ENTREP2: variants seen among roughly 807,000 people sequenced by gnomAD.
The protein encoded by ENTREP2 is endosomal transmembrane epsin interactor 2, also known as protein ENTREP2.
the ENTREP2 span, among the ~76,000 whole-genome samples, chr15:29,642,833 C>T: frequency 6.6e-6 from 1 of 152,040 alleles, no homozygotes; most frequent in East Asian, 1.9e-4. Context: ...AGGATGATCT[C>T]GATCTCTTGA....
the ENTREP2 span, among the ~76,000 whole-genome samples, chr15:29,477,996 TA>T: frequency 1.3e-5 from 1 of 77,806 alleles, no homozygotes; most frequent in Non-Finnish European, 2.3e-5. Context: ...AATTTAACTA[TA>T]TATATATATA....
the ENTREP2 span, among the ~76,000 whole-genome samples, chr15:29,649,717 TCAA>T: frequency 1.0e-5 from 1 of 96,530 alleles, no homozygotes; most frequent in Non-Finnish European, 1.9e-5. Flanking sequence ...AGACTCCATC[TCAA>T]CAACAACAAA....
At chr15:29,480,359 A>C in the ENTREP2 span, among the ~76,000 whole-genome samples, 8 of 147,458 alleles carry the variant, frequency 5.4e-5, no homozygotes, top group African/African-American at 1.8e-4. Context: ...AAAAAAAAAA[A>C]AAAAAAACCC....
chr15:29,175,946 C>G, the ENTREP2 span, among the ~76,000 whole-genome samples: 1 of 152,188 alleles, frequency 6.6e-6, no homozygotes, highest in South Asian at 2.1e-4. Flanking sequence ...TCTTGATCGT[C>G]CTCTCTCATG....
the ENTREP2 span, among the ~76,000 whole-genome samples, chr15:29,603,869 C>A: frequency 6.6e-6 from 1 of 152,094 alleles, no homozygotes; most frequent in South Asian, 2.1e-4. Context: ...GAACTCGTGA[C>A]CTCAGGTGAT....
At chr15:29,157,180 A>G in the ENTREP2 span, among the ~76,000 whole-genome samples, 121 of 152,252 alleles carry the variant, frequency 7.9e-4, 1 homozygote, top group Non-Finnish European at 1.5e-3. Flanking sequence ...ACCCACTGAG[A>G]TGTTGGCAAA....
At chr15:29,213,879 G>A in the ENTREP2 span, among the ~76,000 whole-genome samples, 1 of 152,096 alleles carries the variant, frequency 6.6e-6, no homozygotes, top group Non-Finnish European at 1.5e-5. Context: ...AGTGGGTGAG[G>A]ATATGAACAG....
At chr15:29,240,641 G>C in the ENTREP2 span, among the ~76,000 whole-genome samples, 10 of 152,116 alleles carry the variant, frequency 6.6e-5, no homozygotes, top group Admixed American at 6.6e-4. Flanking sequence ...CTCCCAAAAT[G>C]TGAGAAATAA....
At chr15:29,124,256 G>C in the ENTREP2 span, among the ~76,000 whole-genome samples, 3 of 152,194 alleles carry the variant, frequency 2.0e-5, no homozygotes, top group Non-Finnish European at 4.4e-5. Flanking sequence ...GGCCAGCTCC[G>C]GGCTGTCAGT....
the ENTREP2 span, among the ~76,000 whole-genome samples, chr15:29,324,663 T>C: frequency 1.1e-4 from 16 of 152,254 alleles, no homozygotes; most frequent in South Asian, 4.1e-4. Flanking sequence ...CAGAGGTCAA[T>C]ACGAGCATCC....
chr15:29,419,663 A>T, the ENTREP2 span, among the ~76,000 whole-genome samples: 1 of 152,230 alleles, frequency 6.6e-6, no homozygotes, highest in Non-Finnish European at 1.5e-5. Context: ...AGAAACCTAA[A>T]TAAAAGGAAA....
chr15:29,424,673 G>A, the ENTREP2 span, among the ~76,000 whole-genome samples: 5 of 152,250 alleles, frequency 3.3e-5, no homozygotes, highest in African/African-American at 9.6e-5. Context: ...TATTTATTCC[G>A]TTGGTAACCA....
the ENTREP2 span, among the ~76,000 whole-genome samples, chr15:29,332,434 GA>G: frequency 1.7e-4 from 25 of 150,278 alleles, no homozygotes; most frequent in East Asian, 3.9e-4. Context: ...TTTTCAAAGA[GA>G]AAAAAAAAGG....
At chr15:29,136,347 C>G in the ENTREP2 span, 1 of 1,479,786 alleles carries the variant, frequency 6.8e-7, no homozygotes, top group Non-Finnish European at 8.9e-7. Flanking sequence ...CTGGCTTTGT[C>G]TGGGGCCCCA....
chr15:29,666,424 C>G, the ENTREP2 span, among the ~76,000 whole-genome samples: 1 of 151,870 alleles, frequency 6.6e-6, no homozygotes, highest in Non-Finnish European at 1.5e-5. Context: ...CTCACCCCCA[C>G]CCTCGCCCAG....
At chr15:29,438,236 T>C in the ENTREP2 span, among the ~76,000 whole-genome samples, 9 of 152,166 alleles carry the variant, frequency 5.9e-5, no homozygotes, top group African/African-American at 2.2e-4. Context: ...CCTTGCACTG[T>C]CCCCAACACA....
chr15:29,144,615 A>G, the ENTREP2 span, among the ~76,000 whole-genome samples: 2 of 152,150 alleles, frequency 1.3e-5, no homozygotes, highest in South Asian at 2.1e-4. Context: ...CTGTAGTCTC[A>G]GCTACTTGGG....
the ENTREP2 span, chr15:29,381,673 G>A: frequency 1.1e-6 from 1 of 951,458 alleles, no homozygotes. Flanking sequence ...CCCGCTGCCT[G>A]AAAAGAAGTT....
the ENTREP2 span, among the ~76,000 whole-genome samples, chr15:29,142,097 T>C: frequency 6.6e-6 from 1 of 152,224 alleles, no homozygotes; most frequent in Non-Finnish European, 1.5e-5. Flanking sequence ...AAGGCAGGTC[T>C]AAGAGCAGAG....
Sources: allele counts gnomAD v4.1 joint callset (sites outside exome capture counted in the v4.1 genomes callset), GRCh38; gene constraint gnomAD v4.1.1; transcripts MANE v1.5; gene names NCBI Gene and HGNC (gene_info 2026-07-23, HGNC 2026-07-21).